Variants in JAZF1 observed in about 807,000 individuals in gnomAD.
JAZF1 encodes juxtaposed with another zinc finger protein 1.
A neutral mutation model predicts 26.4 loss-of-function variants in JAZF1; 8 were observed. The observed-to-expected ratio is 0.30, with a 90% CI of 0.18 to 0.55. JAZF1 has a LOEUF of 0.55. Among genes scored for constraint, JAZF1 ranks in the 20% least tolerant of loss-of-function variants. The pLI, the probability that JAZF1 is intolerant of heterozygous loss-of-function variation, is 0.94. For synonymous variants in JAZF1, 126 were observed against 122.3 expected (o/e 1.03, Z -0.20); for missense variants, 199 against 322.0 (o/e 0.62, Z 2.92).
chr7:28,110,515 A>AAAGGGAAAGGGAAAGG, intron 1 of JAZF1, among the ~76,000 whole-genome samples: 1 of 58,948 alleles, frequency 1.7e-5, no homozygotes, highest in African/African-American at 9.2e-5. Context: ...AAAGGAAAGG[A>AAAGGGAAAGGGAAAGG]AAAGGAAAAG....
rs754479329 is a variant in JAZF1, at chr7:27,906,662, G to A, written c.189-11246C>T. Among the ~76,000 whole-genome samples the A allele has an allele frequency of 1.2e-4, 19 of 152,208 alleles. No individual in the cohort carries two copies. In the East Asian group the frequency reaches 2.3e-3, roughly 19 times the overall value. ...AATAAAATAAACCATGGTCTTTTCC[G>A]TCATTGATGCCAAGAATAAAAAACA... On this transcript the variant is annotated intron_variant, in intron 2 of 4. Transcript: ENST00000283928.
At position 27,840,885 on chromosome 7, in the gene JAZF1, T is replaced by A. The variant is rs1427435931; in HGVS notation, c.386-18A>T. The A allele has an allele frequency of 1.2e-6, 2 of 1,612,946 alleles. No individual in the cohort carries two copies. The highest frequency in any genetic ancestry group is 2.2e-5 in the South Asian group (2 of 91,028). ...CTCGCTGCCTGCAGGACAAGAGAAGTGCAAGGACTGTCAGGAGCGCTCATC... is the reference window on the plus strand; with the variant it reads ...CTCGCTGCCTGCAGGACAAGAGAAGAGCAAGGACTGTCAGGAGCGCTCATC... On this transcript the variant is annotated intron_variant, in intron 3 of 4. Coordinates refer to ENST00000283928, the MANE Select transcript of JAZF1 (RefSeq NM_175061.4). The surrounding 1 kb of genome is among the most constrained non-coding windows in gnomAD (Gnocchi z 5.1).
At chr7:27,995,207 T>C (rs1168854507) in intron 1 of JAZF1, among the ~76,000 whole-genome samples, 1 of 152,200 alleles carries the variant, frequency 6.6e-6, no homozygotes, top group Non-Finnish European at 1.5e-5. Context: ...ATGGTGCCGA[T>C]AAAAATCTGG....
At chr7:27,921,241 A>G (rs1433120813) in intron 2 of JAZF1, among the ~76,000 whole-genome samples, 1 of 152,180 alleles carries the variant, frequency 6.6e-6, no homozygotes, top group African/African-American at 2.4e-5. Flanking sequence ...GGCTTTGCCC[A>G]CAATTCCTAG....
At chr7:27,979,332 C>T (rs753051658) in intron 2 of JAZF1, among the ~76,000 whole-genome samples, 10 of 131,044 alleles carry the variant, frequency 7.6e-5, no homozygotes, top group Non-Finnish European at 6.2e-5. Context: ...GCAGAAAATA[C>T]AGTATAATTA....
At chr7:27,856,039 G>A (rs1783242782) in intron 3 of JAZF1, among the ~76,000 whole-genome samples, 2 of 152,184 alleles carry the variant, frequency 1.3e-5, no homozygotes, top group African/African-American at 2.4e-5. Context: ...TTCATCCCTG[G>A]GATGCAAGTG....
chr7:27,993,642 G>C (rs529751984), intron 1 of JAZF1, among the ~76,000 whole-genome samples: 2 of 152,008 alleles, frequency 1.3e-5, no homozygotes, highest in Non-Finnish European at 2.9e-5. Flanking sequence ...AATCCTACAG[G>C]GTCTTTCTAG....
chr7:27,841,650 T>C (rs1782922873), intron 3 of JAZF1: 1 of 152,198 alleles, frequency 6.6e-6, no homozygotes, highest in Non-Finnish European at 1.5e-5. Flanking sequence ...CTTTTATTCC[T>C]AAGGGCTAAG....
At position 28,044,141 on chromosome 7, in the gene JAZF1, C is replaced by T. The variant is rs117638809; in HGVS notation, c.116-52160G>A. 1.1e-4 allele frequency among the ~76,000 whole-genome samples: 16 copies of T among 152,226 alleles called. No homozygotes were observed. In the East Asian group the frequency reaches 2.5e-3, roughly 24 times the overall value. ...AAATGTTTAAATGGTGAATAGTACGCTATGTGAACTTCACCTCTACTAAAA... is the reference window on the plus strand; with the variant it reads ...AAATGTTTAAATGGTGAATAGTACGTTATGTGAACTTCACCTCTACTAAAA... On this transcript the variant is annotated intron_variant, in intron 1 of 4. Coordinates refer to ENST00000283928, the MANE Select transcript of JAZF1 (RefSeq NM_175061.4).
intron 3 of JAZF1, among the ~76,000 whole-genome samples, chr7:27,866,008 T>C (rs1410261676): frequency 1.3e-5 from 2 of 152,108 alleles, no homozygotes; most frequent in Non-Finnish European, 2.9e-5. Flanking sequence ...ATGCGGCACT[T>C]TGAACTCCTT....
At chr7:28,161,257 T>TA (rs10630786) in intron 1 of JAZF1, among the ~76,000 whole-genome samples, 9,773 of 77,082 alleles carry the variant, frequency 0.13, 1,325 homozygotes, top group East Asian at 0.68. Flanking sequence ...TCCTTTAATC[T>TA]AAAAAAAAAA....
At chr7:28,062,000 A>G (rs1412142993) in intron 1 of JAZF1, among the ~76,000 whole-genome samples, 1 of 152,204 alleles carries the variant, frequency 6.6e-6, no homozygotes, top group Non-Finnish European at 1.5e-5. Context: ...GAGTGGGGAA[A>G]CCCAGCAAAA....
chr7:28,107,756 C>T (rs939448139), intron 1 of JAZF1, among the ~76,000 whole-genome samples: 1 of 152,202 alleles, frequency 6.6e-6, no homozygotes, highest in African/African-American at 2.4e-5. Flanking sequence ...GACACCATTT[C>T]CGTTGTTAGA....
intron 1 of JAZF1, among the ~76,000 whole-genome samples, chr7:28,004,670 T>G (rs1388795642): frequency 6.6e-6 from 1 of 152,156 alleles, no homozygotes; most frequent in Non-Finnish European, 1.5e-5. Context: ...TTTTCTTTTC[T>G]GAGATGAAGT....
chr7:27,990,668 T>C (rs1039775461), intron 2 of JAZF1, among the ~76,000 whole-genome samples: 1 of 152,180 alleles, frequency 6.6e-6, no homozygotes, highest in Non-Finnish European at 1.5e-5. Context: ...TATTCTCCAA[T>C]ATTAGTAGGC....
intron 1 of JAZF1, among the ~76,000 whole-genome samples, chr7:28,095,465 T>C (rs1272265694): frequency 6.6e-6 from 1 of 152,116 alleles, no homozygotes; most frequent in Non-Finnish European, 1.5e-5. Context: ...TTGTGAGAAC[T>C]AACTCACTAT....
intron 3 of JAZF1, among the ~76,000 whole-genome samples, chr7:27,844,869 C>A (rs966522008): frequency 6.6e-6 from 1 of 152,048 alleles, no homozygotes; most frequent in Admixed American, 6.5e-5. Context: ...AATGAGGGGA[C>A]CTTAAGGATG....
At chr7:27,982,158 G>A (rs185530801) in intron 2 of JAZF1, among the ~76,000 whole-genome samples, 25 of 152,306 alleles carry the variant, frequency 1.6e-4, no homozygotes, top group African/African-American at 3.1e-4. Flanking sequence ...GGGCATCACC[G>A]CACCCAGGAA....
chr7:28,003,695 T>A (rs1411676179), intron 1 of JAZF1, among the ~76,000 whole-genome samples: 3 of 152,102 alleles, frequency 2.0e-5, no homozygotes, highest in South Asian at 2.1e-4. Flanking sequence ...CTATCCCACC[T>A]CCACCTGCCA....
Sources: gnomAD v4.1 joint callset for allele counts (sites outside exome capture counted in the v4.1 genomes callset) on GRCh38, gnomAD v4.1.1 for gene constraint, Gnocchi (gnomAD v3.1) non-coding constraint, MANE v1.5 for transcripts, NCBI Gene and HGNC (gene_info 2026-07-23, HGNC 2026-07-21) for gene names.